ZNF229: variants seen among roughly 807,000 people sequenced by gnomAD.
The protein encoded by ZNF229 is zinc finger protein 229.
A neutral mutation model predicts 11.8 loss-of-function variants in ZNF229; 10 were observed. The ratio of observed to expected loss-of-function variants is 0.85; its 90% CI spans 0.52 to 1.44. The LOEUF is 1.44. ZNF229 is among the 40% of genes most tolerant of loss of function. The probability of loss-of-function intolerance (pLI) is 0.00; values close to 1 mark genes in which losing one functional copy is unlikely to be tolerated. For synonymous variants in ZNF229, 368 were observed against 374.8 expected (o/e 0.98, Z 0.21); for missense variants, 1,045 against 1,015.1 (o/e 1.03, Z -0.40).
At chr19:44,439,070 G>A (rs1397842802) in intron 4 of ZNF229, among the ~76,000 whole-genome samples, 1 of 152,120 alleles carries the variant, frequency 6.6e-6, no homozygotes, top group Non-Finnish European at 1.5e-5. Flanking sequence ...CCCTCAACCT[G>A]TGGGATCTGA....
intron 2 of ZNF229, among the ~76,000 whole-genome samples, chr19:44,444,960 A>G (rs527869110): frequency 6.6e-6 from 1 of 151,344 alleles, no homozygotes; most frequent in Non-Finnish European, 1.5e-5. Flanking sequence ...ATCCAGCCTC[A>G]GGCCTTCAAC....
rs200548188 is a variant in ZNF229, at chr19:44,430,327, G to T, written c.454C>A (p.Pro152Thr). The change falls in exon 6 of 6, where the codon CCA becomes ACA. Residue 152 changes from proline to threonine, a missense_variant. Coordinates refer to ENST00000614049, the MANE Select transcript of ZNF229 (RefSeq NM_014518.4). ...GWEGASTPCF[P>T]IENFLDSLQG... is the part of the protein sequence containing the mutation. Reference sequence around the variant, plus strand: ...AGACTGTCCAGGAAATTCTCAATTGGAAAACACGGCGTAGATGCTCCTTCC... The same window carrying T: ...AGACTGTCCAGGAAATTCTCAATTGTAAAACACGGCGTAGATGCTCCTTCC... The T allele has an allele frequency of 1.1e-5, 18 of 1,614,046 alleles. No individual in the cohort carries two copies. In the East Asian group the frequency reaches 4.0e-4, roughly 36 times the overall value.
chr19:44,442,030 C>T (rs1971919770), intron 4 of ZNF229, among the ~76,000 whole-genome samples: 2 of 152,186 alleles, frequency 1.3e-5, no homozygotes, highest in African/African-American at 4.8e-5. Flanking sequence ...CTGCTCCCTT[C>T]CTGAACAAGA....
At position 44,437,923 on chromosome 19, in the gene ZNF229, C is replaced by T. The variant is rs117847409; in HGVS notation, c.93+4640G>A. On this transcript the variant is annotated intron_variant, in intron 4 of 5. Transcript: ENST00000614049. ...ATAAGTAGGAGGTAAATGATGAGAACGCTTAGACACACAGAGGGAACAACA... is the reference window on the plus strand; with the variant it reads ...ATAAGTAGGAGGTAAATGATGAGAATGCTTAGACACACAGAGGGAACAACA... Among the ~76,000 whole-genome samples, 723 of 152,186 alleles carry T rather than the reference C, an allele frequency of 4.8e-3. 9 individuals carry two copies. Among genetic ancestry groups the T allele is most frequent in the South Asian group, 0.029 (139 of 4,818 alleles).
chr19:44,432,396 C>T (rs750132985), intron 4 of ZNF229, 30 bp from the exon 5 acceptor site: 24 of 1,608,084 alleles, frequency 1.5e-5, no homozygotes, highest in Non-Finnish European at 2.0e-5. Context: ...ACACAAACAT[C>T]TACTAGATGA....
At chr19:44,434,397 A>G (rs1430540953) in intron 4 of ZNF229, among the ~76,000 whole-genome samples, 1 of 152,124 alleles carries the variant, frequency 6.6e-6, no homozygotes, top group Non-Finnish European at 1.5e-5. Flanking sequence ...CAGCTAATTT[A>G]TGTCATGCAA....
In ZNF229 at chr19:44,428,997, G is replaced by T; in HGVS notation, c.1784C>A (p.Thr595Lys). 1 of 1,613,658 alleles carries T rather than the reference G, an allele frequency of 6.2e-7. No homozygotes were observed. Among genetic ancestry groups the T allele is most frequent in the Non-Finnish European group, 8.5e-7 (1 of 1,179,932 alleles). The change falls in exon 6 of 6, where the codon ACG (threonine) becomes AAG (lysine). Residue 595 changes from threonine to lysine, a missense_variant. Physicochemically the swap from Thr to Lys is moderately conservative, Grantham distance 78 (BLOSUM62 -1). Transcript: ENST00000614049. The part of the protein sequence containing the change: ...SDLHSHQRVH[T>K]GERPYVCDVC... ...GTCACACACGTAGGGCCTCTCTCCC[G>T]TGTGGACCCTCTGGTGGCTGTGAAG...
At chr19:44,442,035 A>C (rs759575168) in intron 4 of ZNF229, among the ~76,000 whole-genome samples, 3 of 152,226 alleles carry the variant, frequency 2.0e-5, no homozygotes, top group Non-Finnish European at 2.9e-5. Context: ...CCCTTCCTGA[A>C]CAAGAATGCT....
intron 4 of ZNF229, among the ~76,000 whole-genome samples, chr19:44,442,299 C>T (rs1456055732): frequency 6.6e-6 from 1 of 152,074 alleles, no homozygotes; most frequent in East Asian, 1.9e-4. Flanking sequence ...GAAGCTATTG[C>T]GGTGGCAGGA....
Position 44,430,113 on chromosome 19 carries a change from CA to C in ZNF229, c.667del (p.Cys223AlafsTer14). 6.2e-7 allele frequency: 1 copy of C among 1,614,146 alleles called. No homozygotes were observed. Among genetic ancestry groups the C allele is most frequent in the Non-Finnish European group, 8.5e-7 (1 of 1,180,032 alleles). ...YKCNWDDDSF[C>X]WISCHVDHRF... ...GTGATCAACATGACAAGATATCCAG[CA>C]AAAGCTGTCATCATCCCAGTTACAT... On this transcript the variant is annotated frameshift_variant, in exon 6 of 6. Coordinates refer to ENST00000614049, the MANE Select transcript of ZNF229 (RefSeq NM_014518.4). LOFTEE classifies it low-confidence loss of function (END_TRUNC).
rs1228537641 is a variant in ZNF229, at chr19:44,448,472, T to G, written c.-429A>C. 6.6e-6 allele frequency: 1 copy of G among 152,116 alleles called. No individual in the cohort carries two copies. Among genetic ancestry groups the G allele is most frequent in the African/African-American group, 2.4e-5 (1 of 41,416 alleles). 9.4% of individuals were successfully genotyped at this position (152,116 alleles called of 1,614,324 possible). On this transcript the variant is annotated 5_prime_UTR_variant, in exon 1 of 6. Transcript: ENST00000614049. ...ACCACTGCCTAAGAAGCAATCAAGG[T>G]GACGCGCCCACCGGAAACGGAAGTA... is the stretch of plus-strand genomic sequence containing the variant.
Position 44,429,041 on chromosome 19 carries a change from G to A in ZNF229, c.1740C>T (p.Gly580=). 6.2e-7 allele frequency: 1 copy of A among 1,613,304 alleles called. No individual in the cohort carries two copies. The highest frequency in any genetic ancestry group is 1.1e-5 in the South Asian group (1 of 91,040). Reference sequence around the variant, plus strand: ...TGTGAAGGTCTGAATTCCGCCGGAAGCCCTTCCCACACTCACTGCATTTAT... The same window carrying A: ...TGTGAAGGTCTGAATTCCGCCGGAAACCCTTCCCACACTCACTGCATTTAT... ...KPYKCSECGK[G]FRRNSDLHSH... is the part of the protein sequence containing the mutation. Residue 580 remains glycine (G), a synonymous_variant, in exon 6 of 6, where the codon GGC becomes GGT. Transcript: ENST00000614049.
chr19:44,430,081 G>C lies in ZNF229; in HGVS notation c.700C>G (p.Pro234Ala), dbSNP rs755494575. The change falls in exon 6 of 6, where the codon CCT (proline) becomes GCT (alanine). Residue 234 changes from proline (P) to alanine (A), a missense_variant. Pro to Ala is a conservative substitution (Grantham distance 27). Coordinates refer to ENST00000614049, the MANE Select transcript of ZNF229 (RefSeq NM_014518.4). ...WISCHVDHRF[P>A]EIDKPCGCNK... Reference sequence around the variant, plus strand: ...CAACCACACGGCTTGTCTATTTCAGGGAATCTGTGATCAACATGACAAGAT... The same window carrying C: ...CAACCACACGGCTTGTCTATTTCAGCGAATCTGTGATCAACATGACAAGAT... The C allele has an allele frequency of 1.2e-6, 2 of 1,614,062 alleles. No individual in the cohort carries two copies. Among genetic ancestry groups the C allele is most frequent in the Non-Finnish European group, 1.7e-6 (2 of 1,180,030 alleles).
At position 44,430,348 on chromosome 19, in the gene ZNF229, CT is replaced by C. The variant is rs770235595; in HGVS notation, c.432del (p.Gly145GlufsTer24). 6 of 1,614,026 alleles carry C rather than the reference CT, an allele frequency of 3.7e-6. No homozygotes were observed. In the South Asian group the frequency reaches 6.6e-5, roughly 18 times the overall value. ...ATTGGAAAACACGGCGTAGATGCTC[CT>C]TCCCACCCTTGATGGGGAGCAGCAT... ...SEDAAPHQGW[E>X]GASTPCFPIE... On this transcript the variant is annotated frameshift_variant, in exon 6 of 6. Coordinates refer to ENST00000614049, the MANE Select transcript of ZNF229 (RefSeq NM_014518.4). LOFTEE classifies it low-confidence loss of function (END_TRUNC).
intron 2 of ZNF229, among the ~76,000 whole-genome samples, chr19:44,445,099 G>C (rs2123384155): frequency 6.6e-6 from 1 of 152,296 alleles, no homozygotes; most frequent in Non-Finnish European, 1.5e-5. Context: ...CCTTTGAAAT[G>C]AAGAGGAAAT....
rs561014783 is a variant in ZNF229, at chr19:44,438,319, G to A, written c.93+4244C>T. 1.4e-4 allele frequency among the ~76,000 whole-genome samples: 21 copies of A among 152,286 alleles called. No individual in the cohort carries two copies. The South Asian group carries it at 4.3e-3, about 32-fold the overall frequency. On this transcript the variant is annotated intron_variant, in intron 4 of 5. Coordinates refer to ENST00000614049, the MANE Select transcript of ZNF229 (RefSeq NM_014518.4). ...TATCATGTTTACAATGCAGGAAACT[G>A]CAAAATAAAATGGGGCATCTTTGCC...
At chr19:44,441,994 TATG>T (rs972636279) in intron 4 of ZNF229, among the ~76,000 whole-genome samples, 1 of 152,236 alleles carries the variant, frequency 6.6e-6, no homozygotes, top group Non-Finnish European at 1.5e-5. Flanking sequence ...AGTCTTTTCA[TATG>T]ATTAGTGGGC....
chr19:44,443,594 G>C (rs2123381015), intron 2 of ZNF229, among the ~76,000 whole-genome samples: 1 of 152,256 alleles, frequency 6.6e-6, no homozygotes, highest in East Asian at 1.9e-4. Flanking sequence ...TTAAAACTCT[G>C]CATGGCTCAC....
At position 44,442,334 on chromosome 19, in the gene ZNF229, C is replaced by T. The variant is rs138015866; in HGVS notation, c.93+229G>A. ...AAGGCATAGCGGAAAGGTAGATTAT[C>T]GAATCCAATTGACCTACCTGAGTTC... On this transcript the variant is annotated intron_variant, in intron 4 of 5. Coordinates refer to ENST00000614049, the MANE Select transcript of ZNF229 (RefSeq NM_014518.4). 1.2e-3 allele frequency among the ~76,000 whole-genome samples: 190 copies of T among 152,228 alleles called. 1 individual carries two copies. The highest frequency in any genetic ancestry group is 0.01 in the Middle Eastern group (3 of 294).
Sources: gnomAD v4.1 joint callset for allele counts (sites outside exome capture counted in the v4.1 genomes callset) on GRCh38, gnomAD v4.1.1 for gene constraint, MANE v1.5 for transcripts, NCBI Gene and HGNC (gene_info 2026-07-23, HGNC 2026-07-21) for gene names.